Variants in SEM1 observed in about 807,000 individuals in gnomAD.
SEM1 encodes 26S proteasome complex subunit SEM1.
A neutral mutation model predicts 12.7 loss-of-function variants in SEM1; 3 were observed. The ratio of observed to expected loss-of-function variants is 0.24; its 90% CI spans 0.11 to 0.61. The LOEUF is 0.61. Ranked by LOEUF, SEM1 falls within the 20% of genes least tolerant of loss-of-function variation. The pLI, the probability that SEM1 is intolerant of heterozygous loss-of-function variation, is 0.88. For synonymous variants in SEM1, 30 were observed against 27.8 expected (o/e 1.08, Z -0.25); for missense variants, 59 against 81.3 (o/e 0.73, Z 1.06).
chr7:96,536,344 T>C (rs1397023312), intron 2 of SEM1, among the ~76,000 whole-genome samples: 1 of 151,862 alleles, frequency 6.6e-6, no homozygotes, highest in Admixed American at 6.6e-5. Context: ...AATGTGGCAT[T>C]TATTGGTGAA....
chr7:96,556,207 T>A (rs937606905), intron 2 of SEM1, among the ~76,000 whole-genome samples: 12 of 151,880 alleles, frequency 7.9e-5, no homozygotes, highest in Non-Finnish European at 1.8e-4. Flanking sequence ...GTTAATATTG[T>A]TATGTGTGAA....
chr7:96,671,042 GC>G (rs1789301593), downstream of SEM1, among the ~76,000 whole-genome samples: 1 of 152,144 alleles, frequency 6.6e-6, no homozygotes, highest in African/African-American at 2.4e-5. Flanking sequence ...TGATTAAGCT[GC>G]ATGCACGACA....
intron 1 of SEM1, among the ~76,000 whole-genome samples, chr7:96,698,904 TC>T (rs1790183855): frequency 1.3e-5 from 2 of 152,208 alleles, no homozygotes; most frequent in Admixed American, 1.3e-4. Context: ...CGTTCCTACT[TC>T]TCCACATCCT....
At chr7:96,556,763 C>A (rs1040923411) in intron 2 of SEM1, among the ~76,000 whole-genome samples, 5 of 134,460 alleles carry the variant, frequency 3.7e-5, no homozygotes, top group African/African-American at 1.4e-4. Context: ...GGAAGTTCTC[C>A]TGGATAATAT....
chr7:96,647,759 A>T (rs1280611512), intron 2 of SEM1, among the ~76,000 whole-genome samples: 1 of 152,242 alleles, frequency 6.6e-6, no homozygotes, highest in Non-Finnish European at 1.5e-5. Context: ...GCCAAAGACA[A>T]CCTGAAATGT....
intron 2 of SEM1, among the ~76,000 whole-genome samples, chr7:96,580,554 C>G (rs1400012696): frequency 6.6e-6 from 1 of 151,986 alleles, no homozygotes; most frequent in African/African-American, 2.4e-5. Context: ...CACTGACTTC[C>G]ACAATGGTTG....
intron 2 of SEM1, among the ~76,000 whole-genome samples, chr7:96,570,618 AAGTCTTT>A (rs1185229127): frequency 1.3e-5 from 2 of 152,260 alleles, no homozygotes; most frequent in Non-Finnish European, 1.5e-5. Context: ...GGTTGGTTCC[AAGTCTTT>A]GCTATTGTGA....
At chr7:96,534,210 TGA>T (rs1188206919) in intron 2 of SEM1, among the ~76,000 whole-genome samples, 1 of 152,030 alleles carries the variant, frequency 6.6e-6, no homozygotes, top group Non-Finnish European at 1.5e-5. Flanking sequence ...GGAAAACAAC[TGA>T]GAGTATTTGT....
chr7:96,535,408 T>A (rs1303848468), intron 2 of SEM1, among the ~76,000 whole-genome samples: 2 of 151,896 alleles, frequency 1.3e-5, no homozygotes, highest in Non-Finnish European at 2.9e-5. Flanking sequence ...GTAAGCACTG[T>A]TTTTACTGCA....
At chr7:96,682,702 C>T (rs1160445939) in intron 2 of SEM1, among the ~76,000 whole-genome samples, 1 of 151,974 alleles carries the variant, frequency 6.6e-6, no homozygotes, top group Non-Finnish European at 1.5e-5. Flanking sequence ...AGCTTCTGCA[C>T]AGCAAAAGAA....
At chr7:96,538,000 C>T (rs1804839884) in intron 2 of SEM1, among the ~76,000 whole-genome samples, 1 of 151,530 alleles carries the variant, frequency 6.6e-6, no homozygotes, top group African/African-American at 2.4e-5. Context: ...ATTCTTGTTT[C>T]TTTTTGTACT....
intron 2 of SEM1, among the ~76,000 whole-genome samples, chr7:96,581,087 G>T (rs61231146): frequency 1.8e-4 from 27 of 152,072 alleles, no homozygotes; most frequent in Admixed American, 1.2e-3. Context: ...TTCTTCTAGG[G>T]TTTTTATGGT....
chr7:96,662,295 G>C (rs191488119), intron 2 of SEM1, among the ~76,000 whole-genome samples: 6 of 152,252 alleles, frequency 3.9e-5, no homozygotes, highest in Admixed American at 3.9e-4. Flanking sequence ...ATGACAGACT[G>C]GATAAAGAAA....
intron 2 of SEM1, among the ~76,000 whole-genome samples, chr7:96,578,771 C>T (rs1160866042): frequency 6.6e-6 from 1 of 152,194 alleles, no homozygotes; most frequent in African/African-American, 2.4e-5. Context: ...CAGCAAAATG[C>T]TGCTAATTAA....
At chr7:96,586,278 A>G (rs1271445695) in intron 2 of SEM1, among the ~76,000 whole-genome samples, 1 of 152,194 alleles carries the variant, frequency 6.6e-6, no homozygotes, top group Non-Finnish European at 1.5e-5. Flanking sequence ...ACAGAATTCC[A>G]GCTGCCAGTG....
chr7:96,496,267 TC>T, intron 1 of SEM1: 1 of 1,464,620 alleles, frequency 6.8e-7, no homozygotes, highest in Non-Finnish European at 9.2e-7. Flanking sequence ...ATTGATATAA[TC>T]CATATCAGTT....
At chr7:96,548,592 A>G (rs1387539953) in intron 2 of SEM1, among the ~76,000 whole-genome samples, 2 of 152,156 alleles carry the variant, frequency 1.3e-5, no homozygotes, top group African/African-American at 2.4e-5. Context: ...GCTACTTATT[A>G]GTGATTGTTA....
intron 2 of SEM1, among the ~76,000 whole-genome samples, chr7:96,544,923 A>G (rs4349918): frequency 0.96 from 145,445 of 151,920 alleles, 69,708 homozygotes; most frequent in Non-Finnish European, 0.98. Flanking sequence ...TCTCAGGGGC[A>G]GCATAAGCAG....
chr7:96,539,623 T>C (rs1804889099), intron 2 of SEM1, among the ~76,000 whole-genome samples: 1 of 151,754 alleles, frequency 6.6e-6, no homozygotes, highest in South Asian at 2.1e-4. Context: ...AAAAAAGCCT[T>C]ACTAAAATAT....
Sources: allele counts gnomAD v4.1 joint callset (sites outside exome capture counted in the v4.1 genomes callset), GRCh38; gene constraint gnomAD v4.1.1; transcripts MANE v1.5; gene names NCBI Gene and HGNC (gene_info 2026-07-23, HGNC 2026-07-21).